MBD5: variants seen among roughly 807,000 people sequenced by gnomAD.
The protein encoded by MBD5 is methyl-CpG binding domain protein 5.
In MBD5, 13 loss-of-function variants were observed where a neutral mutation model predicts 117.3. That is an observed-to-expected ratio of 0.11 (90% confidence interval 0.07 to 0.18). The LOEUF is 0.18. MBD5 is among the 10% of genes least tolerant of loss of function. MBD5 has a pLI of 1.00. For missense variants in MBD5, 1,879 were observed against 2,093.8 expected (o/e 0.90, Z 2.00); for synonymous variants, 727 against 766.4 (o/e 0.95, Z 0.85).
intron 8 of MBD5, among the ~76,000 whole-genome samples, chr2:148,476,851 G>A (rs531270843): frequency 3.9e-5 from 6 of 152,148 alleles, no homozygotes; most frequent in East Asian, 3.9e-4. Flanking sequence ...AATGAGATAA[G>A]ACTTCCAATT....
At chr2:148,092,365 A>G (rs1695965340) in intron 1 of MBD5, among the ~76,000 whole-genome samples, 1 of 152,238 alleles carries the variant, frequency 6.6e-6, no homozygotes, top group Non-Finnish European at 1.5e-5. Context: ...TTGCACATGC[A>G]TGTTTATCTC....
chr2:148,143,075 G>A (rs1420419159), intron 1 of MBD5, among the ~76,000 whole-genome samples: 1 of 152,180 alleles, frequency 6.6e-6, no homozygotes. Flanking sequence ...TATATATGAT[G>A]AGAAGTCAAC....
intron 2 of MBD5, among the ~76,000 whole-genome samples, chr2:148,183,313 C>T (rs1427477766): frequency 1.3e-5 from 2 of 151,314 alleles, no homozygotes; most frequent in East Asian, 1.9e-4. Flanking sequence ...CATGTATTAT[C>T]GAAGAAAAAT....
intron 4 of MBD5, among the ~76,000 whole-genome samples, chr2:148,376,119 A>G (rs1341638077): frequency 6.6e-6 from 1 of 151,396 alleles, no homozygotes; most frequent in East Asian, 1.9e-4. Flanking sequence ...AGGGGTCCTA[A>G]GGGAAGTTTC....
rs1301159715 is a variant in MBD5, at chr2:148,514,617, A to C, written c.*1676A>C. 6.6e-6 allele frequency: 1 copy of C among 152,330 alleles called. No homozygotes were observed. The highest frequency in any genetic ancestry group is 1.5e-5 in the Non-Finnish European group (1 of 68,104). 9.4% of individuals were successfully genotyped at this position (152,330 alleles called of 1,614,324 possible). ...TCTCCAATAGCAGGCTCAGCACCTC[A>C]AACTGCCCACCACCTCTCCTACTGC... On this transcript the variant is annotated 3_prime_UTR_variant, in exon 14 of 14. Coordinates refer to ENST00000642680, the MANE Select transcript of MBD5 (RefSeq NM_001378120.1).
chr2:148,483,604 C>T lies in MBD5; in HGVS notation c.3013C>T (p.Leu1005=), dbSNP rs1309175372. The change falls in exon 9 of 14, where the codon CTG becomes TTG. Residue 1005 remains leucine (L), a synonymous_variant. Transcript: ENST00000642680. ...AGCCCAAGCAGCTGCCATGCTTCCC[C>T]TGCCATCTTTCAATCTGACCATCTC... ...NQAQAAAMLP[L]PSFNLTISDL... The T allele has an allele frequency of 6.4e-7, 1 of 1,554,406 alleles. No individual in the cohort carries two copies. The highest frequency in any genetic ancestry group is 2.0e-5 in the Admixed American group (1 of 51,156).
chr2:148,424,177 C>CAAAAAAAAAAAAAAAAAA lies in MBD5; in HGVS notation c.-556-34004_-556-33987dup, dbSNP rs56740583. Among the ~76,000 whole-genome samples, 10 of 53,460 alleles carry CAAAAAAAAAAAAAAAAAA rather than the reference C, an allele frequency of 1.9e-4. 1 individual carries two copies. Among genetic ancestry groups the CAAAAAAAAAAAAAAAAAA allele is most frequent in the South Asian group, 9.2e-4 (1 of 1,088 alleles). 35.1% of individuals were successfully genotyped at this position (53,460 alleles called of 152,430 possible). ...TGGGCAACAGAGCAAGACTCTGTCT[C>CAAAAAAAAAAAAAAAAAA]AAAAAAAAAAAAAAAAAAAAAAAAA... is the stretch of plus-strand genomic sequence containing the variant. On this transcript the variant is annotated intron_variant, in intron 4 of 13. Coordinates refer to ENST00000642680, the MANE Select transcript of MBD5 (RefSeq NM_001378120.1).
At chr2:148,105,977 A>G (rs1696361545) in intron 1 of MBD5, among the ~76,000 whole-genome samples, 1 of 152,096 alleles carries the variant, frequency 6.6e-6, no homozygotes. Flanking sequence ...ACTTAATCTC[A>G]TTATTATTAG....
intron 1 of MBD5, among the ~76,000 whole-genome samples, chr2:148,164,621 A>G (rs1698084667): frequency 6.6e-6 from 1 of 152,130 alleles, no homozygotes; most frequent in Non-Finnish European, 1.5e-5. Context: ...TTTTTCTACA[A>G]GACGTTTTTA....
intron 1 of MBD5, among the ~76,000 whole-genome samples, chr2:148,030,195 C>T (rs1429483176): frequency 2.6e-5 from 4 of 151,918 alleles, no homozygotes; most frequent in Non-Finnish European, 5.9e-5. Flanking sequence ...CGCTTCAACT[C>T]AGGAGGCAGA....
chr2:148,148,330 T>C (rs1697525357), intron 1 of MBD5, among the ~76,000 whole-genome samples: 1 of 152,212 alleles, frequency 6.6e-6, no homozygotes, highest in Non-Finnish European at 1.5e-5. Context: ...TTTACACAGC[T>C]ACCATAATAG....
chr2:148,489,377 T>C lies in MBD5; in HGVS notation c.3754-9T>C, dbSNP rs370173652. Reference sequence around the variant, plus strand: ...CTTTCTCTCACTGCTTCCTGTCTATTTCTTCAAGGTGAGAATGCAGGAAGA... The same window carrying C: ...CTTTCTCTCACTGCTTCCTGTCTATCTCTTCAAGGTGAGAATGCAGGAAGA... On this transcript the variant is annotated splice_polypyrimidine_tract_variant and intron_variant, in intron 10 of 13. Transcript: ENST00000642680. The C allele has an allele frequency of 2.4e-4, 390 of 1,614,144 alleles. No individual in the cohort carries two copies. The African/African-American group carries it at 3.2e-3, about 13-fold the overall frequency.
At chr2:148,132,980 A>G (rs938394284) in intron 1 of MBD5, among the ~76,000 whole-genome samples, 2 of 152,200 alleles carry the variant, frequency 1.3e-5, no homozygotes, top group Non-Finnish European at 2.9e-5. Flanking sequence ...GTAACATATT[A>G]TATATTGGTA....
At chr2:148,115,616 A>G (rs529258698) in intron 1 of MBD5, among the ~76,000 whole-genome samples, 6 of 152,184 alleles carry the variant, frequency 3.9e-5, no homozygotes, top group South Asian at 4.2e-4. Flanking sequence ...TATTGATTAT[A>G]GGAGAATTTT....
intron 4 of MBD5, among the ~76,000 whole-genome samples, chr2:148,380,269 T>C (rs1284894609): frequency 6.6e-6 from 1 of 152,182 alleles, no homozygotes; most frequent in Non-Finnish European, 1.5e-5. Context: ...AATTCAGCAG[T>C]ATAATAAATC....
intron 4 of MBD5, among the ~76,000 whole-genome samples, chr2:148,344,314 A>G (rs1349062409): frequency 1.3e-5 from 2 of 151,998 alleles, no homozygotes; most frequent in African/African-American, 2.4e-5. Flanking sequence ...TTTTGGTTCC[A>G]TATGAATTTT....
intron 3 of MBD5, among the ~76,000 whole-genome samples, chr2:148,249,118 T>A (rs955107203): frequency 6.6e-6 from 1 of 152,162 alleles, no homozygotes; most frequent in Non-Finnish European, 1.5e-5. Context: ...TTGTTAAATT[T>A]TATTGAATTA....
intron 3 of MBD5, among the ~76,000 whole-genome samples, chr2:148,327,201 G>A (rs1226780486): frequency 6.6e-6 from 1 of 152,132 alleles, no homozygotes; most frequent in Non-Finnish European, 1.5e-5. Flanking sequence ...TCTGCCGAGA[G>A]ATCTGCTGTT....
At chr2:148,228,938 G>T (rs1699909999) in intron 2 of MBD5, among the ~76,000 whole-genome samples, 1 of 152,166 alleles carries the variant, frequency 6.6e-6, no homozygotes, top group African/African-American at 2.4e-5. Context: ...TTGTATTTCT[G>T]TGGGATCGCT....
Sources: gnomAD v4.1 joint callset for allele counts (sites outside exome capture counted in the v4.1 genomes callset) on GRCh38, gnomAD v4.1.1 for gene constraint, MANE v1.5 for transcripts, NCBI Gene and HGNC (gene_info 2026-07-23, HGNC 2026-07-21) for gene names.